Variants in HOXD13 observed in about 807,000 individuals in gnomAD.
HOXD13 encodes homeobox D13.
HOXD13 carries 16 observed loss-of-function variants against 27.3 expected under a neutral mutation model. That is an observed-to-expected ratio of 0.59 (90% CI 0.40 to 0.89). The LOEUF (loss-of-function observed/expected upper bound fraction) is 0.89. Among genes scored for constraint, HOXD13 ranks in the 40% least tolerant of loss-of-function variants. The pLI, the probability that HOXD13 is intolerant of heterozygous loss-of-function variation, is 0.00. For synonymous variants in HOXD13, 241 were observed against 219.0 expected, an observed-to-expected ratio of 1.10 and a Z score of -0.89; for missense variants, 481 against 482.6, an observed-to-expected ratio of 1.00 and a Z score of 0.03.
Position 176,093,301 on chromosome 2 carries a change from C to T in HOXD13, c.411C>T (p.Ser137=), listed in dbSNP as rs774136455. The T allele has an allele frequency of 6.2e-7, 1 of 1,612,306 alleles. No individual in the cohort carries two copies. The highest frequency in any genetic ancestry group is 8.5e-7 in the Non-Finnish European group (1 of 1,179,720). The change falls in exon 1 of 2, where the codon AGC becomes AGT. Residue 137 remains serine (S), a synonymous_variant. Transcript: ENST00000392539. ...ACCACTTCGGCAACGGCTACTACAGCTGCCGTATGTCGCACGGCGTGGGCT... is the reference window on the plus strand; with the variant it reads ...ACCACTTCGGCAACGGCTACTACAGTTGCCGTATGTCGCACGGCGTGGGCT... ...YGYHFGNGYY[S]CRMSHGVGLQ...
chr2:176,091,155 C>T (rs1312237594), upstream of HOXD13, among the ~76,000 whole-genome samples: 1 of 152,222 alleles, frequency 6.6e-6, no homozygotes, highest in African/African-American at 2.4e-5. Flanking sequence ...ACACCAGCAG[C>T]CTACCCTGAA....
In HOXD13 at chr2:176,093,004, C is replaced by A; in HGVS notation, c.114C>A (p.Gly38=). 7.2e-7 allele frequency: 1 copy of A among 1,385,802 alleles called. No individual in the cohort carries two copies. Among genetic ancestry groups the A allele is most frequent in the Non-Finnish European group, 9.3e-7 (1 of 1,075,852 alleles). The allele number at this position is 1,385,802 out of a possible 1,614,324, so 85.8% of individuals were successfully genotyped here. Residue 38 remains glycine (G), a synonymous_variant, in exon 1 of 2, where the codon GGC becomes GGA. Coordinates refer to ENST00000392539, the MANE Select transcript of HOXD13 (RefSeq NM_000523.4). ...SSSVAAAAAS[G]QCRGFLSAPV... is the part of the protein sequence containing the mutation. Reference sequence around the variant, plus strand: ...CGGTGGCGGCGGCGGCGGCGTCAGGCCAGTGCCGCGGCTTTCTCTCCGCGC... The same window carrying A: ...CGGTGGCGGCGGCGGCGGCGTCAGGACAGTGCCGCGGCTTTCTCTCCGCGC...
intron 1 of HOXD13, 61 bp from the exon 2 acceptor site, chr2:176,094,418 AT>A: frequency 2.1e-6 from 3 of 1,417,628 alleles, no homozygotes; most frequent in East Asian, 2.5e-5. Flanking sequence ...CACACACACA[AT>A]CCTCAGCTAG....
Position 176,095,679 on chromosome 2 carries a change from A to T in HOXD13, c.*949A>T, listed in dbSNP as rs1559109283. 4.4e-6 allele frequency: 1 copy of T among 227,572 alleles called. No individual in the cohort carries two copies. Among genetic ancestry groups the T allele is most frequent in the Non-Finnish European group, 8.7e-6 (1 of 114,546 alleles). The allele number at this position is 227,572 out of a possible 1,614,324, so 14.1% of individuals were successfully genotyped here. ...CCCAATGAAGAACTTGACTGTCTAA[A>T]CAAGGGGGCCTCGCATGGAGCTGTA... On this transcript the variant is annotated 3_prime_UTR_variant, in exon 2 of 2. Coordinates refer to ENST00000392539, the MANE Select transcript of HOXD13 (RefSeq NM_000523.4).
rs878854400 is a variant in HOXD13 at position 176,093,632 on chromosome 2, C to T, written c.742C>T (p.Gln248Ter). ...WNSQVYCTKD[Q>*]PQGSHFWKSS... ...CAGCCAGGTGTACTGCACCAAGGAC[C>T]AGCCACAGGGGTCCCACTTTTGGAA... is the stretch of plus-strand genomic sequence containing the variant. Residue 248 changes from glutamine (Q) to a stop codon, truncating the protein, a stop_gained, in exon 1 of 2, where the codon CAG (glutamine) becomes TAG (stop). Coordinates refer to ENST00000392539, the MANE Select transcript of HOXD13 (RefSeq NM_000523.4). LOFTEE classifies it high-confidence loss of function. 1 of 1,606,638 alleles carries T rather than the reference C, an allele frequency of 6.2e-7. No homozygotes were observed. Among genetic ancestry groups the T allele is most frequent in the South Asian group, 1.1e-5 (1 of 90,812 alleles).
upstream of HOXD13, among the ~76,000 whole-genome samples, chr2:176,091,349 G>C (rs930835161): frequency 4.6e-5 from 7 of 152,168 alleles, no homozygotes; most frequent in African/African-American, 1.7e-4. Flanking sequence ...GGCTCTGAAG[G>C]ATCCCATATC....
In HOXD13 at chr2:176,093,076, G is replaced by A. The variant is rs565039134; in HGVS notation, c.186G>A (p.Ala62=). ...THSGRAAAAA[A]AAAAAAAAAS... ...CGGGGCGGGCGGCGGCGGCGGCAGC[G>A]GCGGCTGCGGCGGCGGCGGCGGCAG... Residue 62 remains alanine, a synonymous_variant, in exon 1 of 2, where the codon GCG becomes GCA. Coordinates refer to ENST00000392539, the MANE Select transcript of HOXD13 (RefSeq NM_000523.4). The A allele has an allele frequency of 1.4e-5, 20 of 1,383,290 alleles. No individual in the cohort carries two copies. The East Asian group carries it at 3.0e-4, about 20-fold the overall frequency. 85.7% of individuals were successfully genotyped at this position (1,383,290 alleles called of 1,614,324 possible).
upstream of HOXD13, among the ~76,000 whole-genome samples, chr2:176,091,309 CTTGGGG>C (rs1689315541): frequency 6.6e-6 from 1 of 152,118 alleles, no homozygotes; most frequent in Non-Finnish European, 1.5e-5. Flanking sequence ...GATGGGCTGG[CTTGGGG>C]AGTGCATGCC....
At position 176,095,691 on chromosome 2, in the gene HOXD13, C is replaced by G. The variant is rs956321011; in HGVS notation, c.*961C>G. On this transcript the variant is annotated 3_prime_UTR_variant, in exon 2 of 2. Coordinates refer to ENST00000392539, the MANE Select transcript of HOXD13 (RefSeq NM_000523.4). ...CTTGACTGTCTAAACAAGGGGGCCTCGCATGGAGCTGTAAAGCATCTAACA... is the reference window on the plus strand; with the variant it reads ...CTTGACTGTCTAAACAAGGGGGCCTGGCATGGAGCTGTAAAGCATCTAACA... 4.4e-6 allele frequency: 1 copy of G among 226,872 alleles called. No individual in the cohort carries two copies. The highest frequency in any genetic ancestry group is 8.8e-6 in the Non-Finnish European group (1 of 114,248). The allele number at this position is 226,872 out of a possible 1,614,324, so 14.1% of individuals were successfully genotyped here.
upstream of HOXD13, among the ~76,000 whole-genome samples, chr2:176,089,534 T>C (rs973697793): frequency 2.6e-5 from 4 of 152,214 alleles, no homozygotes; most frequent in African/African-American, 7.2e-5. Flanking sequence ...ATGTGGTTAA[T>C]TGAGCTCATT....
chr2:176,095,680 C>A lies in HOXD13; in HGVS notation c.*950C>A, dbSNP rs1559109287. ...CCAATGAAGAACTTGACTGTCTAAA[C>A]AAGGGGGCCTCGCATGGAGCTGTAA... On this transcript the variant is annotated 3_prime_UTR_variant, in exon 2 of 2. Transcript: ENST00000392539. 4.4e-6 allele frequency: 1 copy of A among 227,534 alleles called. No homozygotes were observed. The highest frequency in any genetic ancestry group is 8.7e-6 in the Non-Finnish European group (1 of 114,554). 14.1% of individuals were successfully genotyped at this position (227,534 alleles called of 1,614,324 possible).
chr2:176,088,485 G>T (rs914790543), upstream of HOXD13, among the ~76,000 whole-genome samples: 3 of 152,178 alleles, frequency 2.0e-5, no homozygotes, highest in Non-Finnish European at 2.9e-5. Flanking sequence ...GACATCTAGC[G>T]CCAGGCGTGG....
rs1290081751 is a variant in HOXD13 at position 176,093,233 on chromosome 2, G to T, written c.343G>T (p.Ala115Ser). Reference protein sequence around the residue: ...KECPAPTPAAAAAAPPSAPAL... With the variant: ...KECPAPTPAASAAAPPSAPAL... Reference sequence around the variant, plus strand: ...GTGCCCAGCACCCACGCCTGCAGCGGCCGCTGCAGCGCCCCCGAGCGCTCC... The same window carrying T: ...GTGCCCAGCACCCACGCCTGCAGCGTCCGCTGCAGCGCCCCCGAGCGCTCC... The change falls in exon 1 of 2, where the codon GCC becomes TCC. Residue 115 changes from alanine to serine, a missense_variant. Transcript: ENST00000392539. The T allele has an allele frequency of 1.2e-6, 2 of 1,609,472 alleles. No individual in the cohort carries two copies. Among genetic ancestry groups the T allele is most frequent in the South Asian group, 2.2e-5 (2 of 91,012 alleles).
rs1689392729 is a variant in HOXD13, at chr2:176,095,047, C to T, written c.*317C>T. 1 of 378,174 alleles carries T rather than the reference C, an allele frequency of 2.6e-6. No individual in the cohort carries two copies. Among genetic ancestry groups the T allele is most frequent in the South Asian group, 3.6e-5 (1 of 28,110 alleles). The allele number at this position is 378,174 out of a possible 1,614,324, so 23.4% of individuals were successfully genotyped here. On this transcript the variant is annotated 3_prime_UTR_variant, in exon 2 of 2. Transcript: ENST00000392539. The stretch of plus-strand genomic sequence containing the variant: ...GAAGTATTTTTTAATAATCCGCCCC[C>T]CAATGAACTTCAGAAGTGCCATTCT...
rs761520404 is a variant in HOXD13 at position 176,094,451 on chromosome 2, AAT to A, written c.782-28_782-27del. 19 of 1,612,368 alleles carry A rather than the reference AAT, an allele frequency of 1.2e-5. No individual in the cohort carries two copies. The Admixed American group carries it at 3.2e-4, about 27-fold the overall frequency. ...CTAGGTGCTCCGAATATCCCAGCCT[AAT>A]TTTTCTTGTGCTTTTGTTTGTATCA... On this transcript the variant is annotated intron_variant, in intron 1 of 1. Coordinates refer to ENST00000392539, the MANE Select transcript of HOXD13 (RefSeq NM_000523.4).
chr2:176,095,696 G>T lies in HOXD13; in HGVS notation c.*966G>T. 4.4e-6 allele frequency: 1 copy of T among 226,982 alleles called. No individual in the cohort carries two copies. The allele number at this position is 226,982 out of a possible 1,614,324, so 14.1% of individuals were successfully genotyped here. On this transcript the variant is annotated 3_prime_UTR_variant, in exon 2 of 2. Transcript: ENST00000392539. ...CTGTCTAAACAAGGGGGCCTCGCATGGAGCTGTAAAGCATCTAACAAATAT... is the reference window on the plus strand; with the variant it reads ...CTGTCTAAACAAGGGGGCCTCGCATTGAGCTGTAAAGCATCTAACAAATAT...
chr2:176,092,723 T>C lies in HOXD13; in HGVS notation c.-168T>C, dbSNP rs916391703. 6.6e-6 allele frequency among the ~76,000 whole-genome samples: 1 copy of C among 151,834 alleles called. No individual in the cohort carries two copies. Among genetic ancestry groups the C allele is most frequent in the African/African-American group, 2.4e-5 (1 of 41,368 alleles). ...AACGTCCCGCGATGAGCTAACCTGT[T>C]GGAGGGCAGGCGGGCCGGAGGCGGG... On this transcript the variant is annotated 5_prime_UTR_variant, in exon 1 of 2. Coordinates refer to ENST00000392539, the MANE Select transcript of HOXD13 (RefSeq NM_000523.4).
At chr2:176,087,695 G>A in the HOXD13 span, among the ~76,000 whole-genome samples, 14 of 152,166 alleles carry the variant, frequency 9.2e-5, no homozygotes, top group African/African-American at 2.4e-5. Context: ...CCACTACCAA[G>A]GTACAGAACC....
chr2:176,090,337 C>A (rs1252001528), upstream of HOXD13, among the ~76,000 whole-genome samples: 1 of 152,254 alleles, frequency 6.6e-6, no homozygotes, highest in African/African-American at 2.4e-5. Flanking sequence ...AAAACTTTTG[C>A]CCTGCTCTGA....
Sources: allele counts gnomAD v4.1 joint callset (sites outside exome capture counted in the v4.1 genomes callset), GRCh38; gene constraint gnomAD v4.1.1; transcripts MANE v1.5; gene names NCBI Gene and HGNC (gene_info 2026-07-23, HGNC 2026-07-21).